Variants in PELI1 observed in about 807,000 individuals in gnomAD.
PELI1 encodes E3 ubiquitin-protein ligase pellino homolog 1.
Under a neutral mutation model 41.3 loss-of-function variants are expected in PELI1, and 15 were observed. That is an observed-to-expected ratio of 0.36 (90% CI 0.24 to 0.56). The LOEUF is 0.56. PELI1 is among the 20% of genes least tolerant of loss of function. The probability of loss-of-function intolerance (pLI) is 0.82; values close to 1 mark genes in which losing one functional copy is unlikely to be tolerated. For synonymous variants in PELI1, 178 were observed against 180.1 expected, an observed-to-expected ratio of 0.99 and a Z score of 0.09; for missense variants, 403 against 525.5, an observed-to-expected ratio of 0.77 and a Z score of 2.28.
Position 64,096,400 on chromosome 2 carries a change from A to C in PELI1, c.501+13T>G, listed in dbSNP as rs1680237618. The C allele has an allele frequency of 4.4e-6, 7 of 1,602,986 alleles. No individual in the cohort carries two copies. Among genetic ancestry groups the C allele is most frequent in the Non-Finnish European group, 6.0e-6 (7 of 1,172,468 alleles). On this transcript the variant is annotated intron_variant, in intron 5 of 6. Transcript: ENST00000358912. Reference sequence around the variant, plus strand: ...TATAAAAGAAAGCATCATTTAGAAAAAAAGCTTTTTACCCCAAGAAAGATG... The same window carrying C: ...TATAAAAGAAAGCATCATTTAGAAACAAAGCTTTTTACCCCAAGAAAGATG...
chr2:64,125,047 G>A (rs72893145), intron 1 of PELI1, among the ~76,000 whole-genome samples: 3,399 of 138,504 alleles, frequency 0.025, 110 homozygotes, highest in African/African-American at 0.082. Flanking sequence ...CCCAGGAACA[G>A]CCAAATGGAA....
chr2:64,138,659 A>T (rs904368494), intron 1 of PELI1, among the ~76,000 whole-genome samples: 3 of 152,190 alleles, frequency 2.0e-5, no homozygotes, highest in African/African-American at 7.2e-5. Flanking sequence ...CCCAGGAAAC[A>T]GAATTTGCAG....
chr2:64,140,817 A>AAAAAAAAAAAAAAAT (rs1681889411), intron 1 of PELI1, among the ~76,000 whole-genome samples: 1 of 148,468 alleles, frequency 6.7e-6, no homozygotes, highest in African/African-American at 2.5e-5. Context: ...ACAAAAAAAA[A>AAAAAAAAAAAAAAAT]CCTAGGGGCA....
intron 1 of PELI1, among the ~76,000 whole-genome samples, chr2:64,141,163 A>C (rs933518970): frequency 3.9e-5 from 6 of 152,172 alleles, no homozygotes; most frequent in African/African-American, 1.4e-4. Flanking sequence ...TGCTGCCAAC[A>C]ATCTTTACAT....
At chr2:64,104,049 A>AT (rs2103681081) in intron 3 of PELI1, among the ~76,000 whole-genome samples, 1 of 152,296 alleles carries the variant, frequency 6.6e-6, no homozygotes, top group East Asian at 1.9e-4. Context: ...GCTTCTGGAA[A>AT]TTTTGTTAGA....
Position 64,108,367 on chromosome 2 carries a change from T to C in PELI1, c.-57A>G. The C allele has an allele frequency of 2.0e-6, 2 of 983,802 alleles. No individual in the cohort carries two copies. The highest frequency in any genetic ancestry group is 3.3e-6 in the Non-Finnish European group (2 of 615,262). 60.9% of individuals were successfully genotyped at this position (983,802 alleles called of 1,614,324 possible). On this transcript the variant is annotated 5_prime_UTR_variant, in exon 2 of 7. Transcript: ENST00000358912. ...ACTGGTCAGGAGCCTTGGGACACCT[T>C]TTGCATTATTTCCTAGAGGGGAAAA...
intron 1 of PELI1, among the ~76,000 whole-genome samples, chr2:64,129,843 TCA>T (rs1681498676): frequency 6.6e-6 from 1 of 152,196 alleles, no homozygotes; most frequent in Non-Finnish European, 1.5e-5. Flanking sequence ...CCACATAAAG[TCA>T]CAGGAATTTC....
At chr2:64,101,585 T>C (rs542874730) in intron 3 of PELI1, among the ~76,000 whole-genome samples, 8 of 152,266 alleles carry the variant, frequency 5.3e-5, no homozygotes, top group African/African-American at 1.4e-4. Flanking sequence ...AATAATTATA[T>C]ACAGCAAAGA....
chr2:64,106,544 T>C (rs1680627754), intron 2 of PELI1, among the ~76,000 whole-genome samples: 1 of 152,234 alleles, frequency 6.6e-6, no homozygotes, highest in Non-Finnish European at 1.5e-5. Flanking sequence ...TCTATGTGAT[T>C]TGAAGTTCTA....
chr2:64,107,407 T>C (rs1057204340), intron 2 of PELI1, among the ~76,000 whole-genome samples: 3 of 152,222 alleles, frequency 2.0e-5, no homozygotes, highest in African/African-American at 4.8e-5. Flanking sequence ...TGGATGAAAT[T>C]ACGTTAGGAG....
At chr2:64,132,876 A>G (rs1681599221) in intron 1 of PELI1, among the ~76,000 whole-genome samples, 1 of 152,192 alleles carries the variant, frequency 6.6e-6, no homozygotes, top group Non-Finnish European at 1.5e-5. Context: ...AGCCCCAGCC[A>G]TACTTACTGA....
chr2:64,116,625 G>C (rs1681001621), intron 1 of PELI1, among the ~76,000 whole-genome samples: 2 of 152,206 alleles, frequency 1.3e-5, no homozygotes, highest in African/African-American at 4.8e-5. Context: ...TTATGAGATA[G>C]GAACTATTAT....
intron 1 of PELI1, among the ~76,000 whole-genome samples, chr2:64,119,578 A>G (rs777572348): frequency 1.3e-5 from 2 of 152,250 alleles, no homozygotes; most frequent in Non-Finnish European, 2.9e-5. Context: ...TAAACACTAC[A>G]TAATTCTAGA....
intron 1 of PELI1, among the ~76,000 whole-genome samples, chr2:64,110,783 A>G (rs1680785007): frequency 6.6e-6 from 1 of 151,932 alleles, no homozygotes; most frequent in Admixed American, 6.5e-5. Flanking sequence ...AAAAATTAGC[A>G]GGGCGTGGTG....
intron 1 of PELI1, among the ~76,000 whole-genome samples, chr2:64,117,335 A>G (rs1046478634): frequency 3.3e-5 from 5 of 151,454 alleles, no homozygotes; most frequent in African/African-American, 9.8e-5. Context: ...GATACAATGA[A>G]GTAAGTTCTA....
rs1325330746 is a variant in PELI1, at chr2:64,094,887, C to A, written c.1072G>T (p.Gly358Cys). Reference sequence around the variant, plus strand: ...GGGCTAAACGCATGGGTTGGAGGGCCGGCGTCCACATAAAATCCAGCTTCA... The same window carrying A: ...GGGCTAAACGCATGGGTTGGAGGGCAGGCGTCCACATAAAATCCAGCTTCA... ...GCEAGFYVDA[G>C]PPTHAFSPCG... Residue 358 changes from glycine (G) to cysteine (C), a missense_variant, in exon 7 of 7, where the codon GGC becomes TGC. Gly to Cys is a radical substitution (Grantham distance 159). Transcript: ENST00000358912. 1.9e-6 allele frequency: 3 copies of A among 1,614,002 alleles called. No individual in the cohort carries two copies. Among genetic ancestry groups the A allele is most frequent in the Non-Finnish European group, 2.5e-6 (3 of 1,180,046 alleles).
intron 1 of PELI1, among the ~76,000 whole-genome samples, chr2:64,136,702 A>T (rs930366637): frequency 6.6e-6 from 1 of 152,194 alleles, no homozygotes; most frequent in African/African-American, 2.4e-5. Context: ...CAGGAGATCA[A>T]GCCCATCCTT....
intron 6 of PELI1, 135 bp from the exon 7 acceptor site, chr2:64,095,403 A>C: frequency 1.6e-6 from 1 of 612,246 alleles, no homozygotes; most frequent in East Asian, 2.8e-5. Flanking sequence ...AGAAACTGAC[A>C]GTAGTTATGA....
chr2:64,114,134 CA>C (rs755376542), intron 1 of PELI1, among the ~76,000 whole-genome samples: 96 of 152,238 alleles, frequency 6.3e-4, no homozygotes, highest in African/African-American at 1.9e-3. Context: ...AATGTTATAA[CA>C]TTTTTTTATG....
Sources: gnomAD v4.1 joint callset for allele counts (sites outside exome capture counted in the v4.1 genomes callset) on GRCh38, gnomAD v4.1.1 for gene constraint, MANE v1.5 for transcripts, NCBI Gene and HGNC (gene_info 2026-07-23, HGNC 2026-07-21) for gene names.